Variants in SPIDR observed in about 807,000 individuals in gnomAD.
SPIDR encodes scaffold protein involved in DNA repair.
In SPIDR, 93 loss-of-function variants were observed where a neutral mutation model predicts 104.6. The observed-to-expected ratio is 0.89, with a 90% CI of 0.75 to 1.06. SPIDR has a LOEUF of 1.06. SPIDR is among the 50% of genes least tolerant of loss of function. The pLI is 0.00. For synonymous variants in SPIDR, 431 were observed against 416.9 expected (o/e 1.03, Z -0.41); for missense variants, 1,154 against 1,111.2 (o/e 1.04, Z -0.55).
chr8:47,611,468 A>G (rs2063592564), intron 10 of SPIDR, among the ~76,000 whole-genome samples: 1 of 152,024 alleles, frequency 6.6e-6, no homozygotes, highest in African/African-American at 2.4e-5. Context: ...GGAGGCCGAG[A>G]CGGGCAGATC....
At chr8:47,619,344 A>G (rs1402561945) in intron 10 of SPIDR, among the ~76,000 whole-genome samples, 1 of 152,204 alleles carries the variant, frequency 6.6e-6, no homozygotes, top group Non-Finnish European at 1.5e-5. Context: ...TAAGAGTTCA[A>G]TTGGCCCTTA....
intron 8 of SPIDR, among the ~76,000 whole-genome samples, chr8:47,565,953 G>T (rs1273204782): frequency 2.8e-5 from 3 of 105,364 alleles, no homozygotes; most frequent in Non-Finnish European, 5.4e-5. Context: ...TTATGGATAA[G>T]AATGTGATAT....
At chr8:47,431,464 T>C (rs1255515788) in intron 7 of SPIDR, among the ~76,000 whole-genome samples, 1 of 152,202 alleles carries the variant, frequency 6.6e-6, no homozygotes, top group Non-Finnish European at 1.5e-5. Flanking sequence ...GGAATTTCTT[T>C]TAAAATTGGA....
At chr8:47,499,686 G>A (rs1031942499) in intron 8 of SPIDR, among the ~76,000 whole-genome samples, 3 of 151,618 alleles carry the variant, frequency 2.0e-5, no homozygotes, top group East Asian at 3.9e-4. Context: ...TGTGCACAAC[G>A]TGCAGGTTAG....
chr8:47,573,540 GC>G (rs1318462681), intron 8 of SPIDR, among the ~76,000 whole-genome samples: 9 of 152,298 alleles, frequency 5.9e-5, no homozygotes, highest in Middle Eastern at 3.4e-3. Flanking sequence ...GGAGACCAGG[GC>G]CAGGTCTATG....
intron 8 of SPIDR, among the ~76,000 whole-genome samples, chr8:47,551,341 A>G (rs1382221475): frequency 6.6e-6 from 1 of 152,186 alleles, no homozygotes; most frequent in Non-Finnish European, 1.5e-5. Context: ...TTTCAGAACC[A>G]ATGGTACCAG....
chr8:47,448,252 C>T (rs1373199701), intron 8 of SPIDR, among the ~76,000 whole-genome samples: 3 of 152,044 alleles, frequency 2.0e-5, no homozygotes, highest in African/African-American at 7.2e-5. Context: ...TTCCCGTTGC[C>T]TAGAATAATG....
chr8:47,722,664 C>A (rs915695033), intron 16 of SPIDR, among the ~76,000 whole-genome samples: 2 of 152,178 alleles, frequency 1.3e-5, no homozygotes, highest in Admixed American at 6.5e-5. Flanking sequence ...TTAAGCTTTG[C>A]ACACATTTTC....
intron 10 of SPIDR, among the ~76,000 whole-genome samples, chr8:47,615,086 A>G (rs1008437844): frequency 2.7e-5 from 4 of 146,940 alleles, no homozygotes; most frequent in Non-Finnish European, 6.0e-5. Context: ...TTTTTTTTTT[A>G]AAGAGACAGG....
chr8:47,266,468 T>G (rs1245269370), intron 1 of SPIDR, among the ~76,000 whole-genome samples: 11 of 152,228 alleles, frequency 7.2e-5, no homozygotes, highest in African/African-American at 2.7e-4. Context: ...CTGAGTAGTG[T>G]TCCATATAAT....
intron 5 of SPIDR, among the ~76,000 whole-genome samples, chr8:47,300,380 T>C (rs2041840344): frequency 6.6e-6 from 1 of 152,206 alleles, no homozygotes; most frequent in East Asian, 1.9e-4. Flanking sequence ...CTATCAGTTT[T>C]GTTGATCTTT....
At chr8:47,426,711 G>A (rs909969937) in intron 7 of SPIDR, among the ~76,000 whole-genome samples, 1 of 152,146 alleles carries the variant, frequency 6.6e-6, no homozygotes, top group Non-Finnish European at 1.5e-5. Flanking sequence ...CCTAATATCC[G>A]CCTCACCAGA....
At chr8:47,379,389 A>C (rs186824383) in intron 5 of SPIDR, among the ~76,000 whole-genome samples, 1 of 152,182 alleles carries the variant, frequency 6.6e-6, no homozygotes, top group East Asian at 1.9e-4. Flanking sequence ...CAAAAAATAC[A>C]AAAATTAGCC....
chr8:47,267,896 A>C (rs1489933227), intron 1 of SPIDR, among the ~76,000 whole-genome samples: 1 of 152,134 alleles, frequency 6.6e-6, no homozygotes, highest in Non-Finnish European at 1.5e-5. Context: ...TGTCATGTCT[A>C]ATAAATCATT....
At chr8:47,474,051 T>A (rs1437798477) in intron 8 of SPIDR, among the ~76,000 whole-genome samples, 1 of 152,178 alleles carries the variant, frequency 6.6e-6, no homozygotes, top group African/African-American at 2.4e-5. Context: ...ATTGCTGGGC[T>A]TCCAGTTGTT....
chr8:47,658,029 CAA>C (rs34648437), intron 10 of SPIDR, among the ~76,000 whole-genome samples: 304 of 76,036 alleles, frequency 4.0e-3, no homozygotes, highest in African/African-American at 0.011. Context: ...GACCCTGTCT[CAA>C]AAAAAAAAAA....
At chr8:47,643,851 A>G (rs2069675813) in intron 10 of SPIDR, among the ~76,000 whole-genome samples, 1 of 152,196 alleles carries the variant, frequency 6.6e-6, no homozygotes, top group Non-Finnish European at 1.5e-5. Flanking sequence ...AAATTCAGCT[A>G]TATTTGATCA....
At chr8:47,631,273 G>A (rs539515930) in intron 10 of SPIDR, among the ~76,000 whole-genome samples, 2 of 152,112 alleles carry the variant, frequency 1.3e-5, no homozygotes, top group Non-Finnish European at 2.9e-5. Context: ...GTAACCATGG[G>A]GAAAAGAAAG....
intron 8 of SPIDR, among the ~76,000 whole-genome samples, chr8:47,530,331 C>G (rs1303103947): frequency 3.3e-5 from 5 of 152,106 alleles, no homozygotes; most frequent in Non-Finnish European, 7.4e-5. Context: ...GTAATCCCAG[C>G]TACTCGGGAG....
Sources: gnomAD v4.1 joint callset for allele counts (sites outside exome capture counted in the v4.1 genomes callset) on GRCh38, gnomAD v4.1.1 for gene constraint, MANE v1.5 for transcripts, NCBI Gene and HGNC (gene_info 2026-07-23, HGNC 2026-07-21) for gene names.